NXN: variants seen among roughly 807,000 people sequenced by gnomAD.
The protein encoded by NXN is nucleoredoxin.
Under a neutral mutation model 48.6 loss-of-function variants are expected in NXN, and 16 were observed. That is an observed-to-expected ratio of 0.33 (90% confidence interval 0.22 to 0.50). NXN has a LOEUF of 0.50. Ranked by LOEUF, NXN falls within the 20% of genes least tolerant of loss-of-function variation. NXN has a pLI of 0.98. For synonymous variants in NXN, 281 were observed against 269.6 expected (o/e 1.04, Z -0.41); for missense variants, 492 against 605.5 (o/e 0.81, Z 1.97).
rs573538395 is a variant in NXN, at chr17:954,841, A to T, written c.360+24478T>A. On this transcript the variant is annotated intron_variant, in intron 1 of 7. Transcript: ENST00000336868. ...CTAGACTCCCAGATTGAAGCACCTG[A>T]CCTTCTGTAAATTCCTTTCTTTACA... Among the ~76,000 whole-genome samples the T allele has an allele frequency of 9.4e-3, 1,432 of 152,344 alleles. 20 individuals carry two copies. Among genetic ancestry groups the T allele is most frequent in the African/African-American group, 0.033 (1,380 of 41,582 alleles).
intron 1 of NXN, among the ~76,000 whole-genome samples, chr17:846,072 A>G (rs1003549462): frequency 6.6e-5 from 10 of 151,670 alleles, no homozygotes; most frequent in Non-Finnish European, 1.2e-4. Context: ...ACAGAGCGAG[A>G]CTGCATCTCA....
At chr17:850,161 G>A (rs539280744) in intron 1 of NXN, among the ~76,000 whole-genome samples, 20 of 152,246 alleles carry the variant, frequency 1.3e-4, no homozygotes, top group African/African-American at 3.6e-4. Context: ...TGCTTAGAAC[G>A]CCAGAAAAAG....
intron 1 of NXN, among the ~76,000 whole-genome samples, chr17:926,915 C>T (rs2068805863): frequency 6.6e-6 from 1 of 152,146 alleles, no homozygotes; most frequent in Non-Finnish European, 1.5e-5. Context: ...CACTTTTGCC[C>T]ATCTCCCATC....
chr17:863,299 C>G (rs2068060075), intron 1 of NXN, among the ~76,000 whole-genome samples: 1 of 152,182 alleles, frequency 6.6e-6, no homozygotes, highest in Non-Finnish European at 1.5e-5. Context: ...TCCTGAGTAG[C>G]TGGAACTACA....
chr17:802,149 T>C (rs1486281840), intron 7 of NXN, among the ~76,000 whole-genome samples: 4 of 149,678 alleles, frequency 2.7e-5, no homozygotes, highest in Non-Finnish European at 5.9e-5. Context: ...GGAGATAGAG[T>C]CTCTTTCTGT....
rs2068743059 is a variant in NXN at position 920,815 on chromosome 17, C to T, written c.360+58504G>A. On this transcript the variant is annotated intron_variant, in intron 1 of 7. Coordinates refer to ENST00000336868, the MANE Select transcript of NXN (RefSeq NM_022463.5). This position sits in a 1 kb window ranked among gnomAD's most constrained non-coding sequence, Gnocchi z 4.6. ...TCGGCTCGCTGCAACCTCTGCCTCCCGGGTTCAAGCGATTCTCTTGCCTCA... is the reference window on the plus strand; with the variant it reads ...TCGGCTCGCTGCAACCTCTGCCTCCTGGGTTCAAGCGATTCTCTTGCCTCA... 6.6e-6 allele frequency among the ~76,000 whole-genome samples: 1 copy of T among 151,406 alleles called. No individual in the cohort carries two copies. The highest frequency in any genetic ancestry group is 6.6e-5 in the Admixed American group (1 of 15,204).
At chr17:811,986 G>GGT (rs759046154) in intron 5 of NXN, among the ~76,000 whole-genome samples, 4,941 of 142,020 alleles carry the variant, frequency 0.035, 131 homozygotes, top group Middle Eastern at 0.071. Context: ...GGAGTGCAGT[G>GGT]GCAAGATCTC....
intron 1 of NXN, among the ~76,000 whole-genome samples, chr17:869,387 C>T (rs1179043950): frequency 6.6e-6 from 1 of 152,142 alleles, no homozygotes; most frequent in Non-Finnish European, 1.5e-5. Flanking sequence ...GACAAGCGAC[C>T]TGAGGTTCCA....
chr17:976,123 AC>A (rs1480181188), intron 1 of NXN, among the ~76,000 whole-genome samples: 1 of 152,160 alleles, frequency 6.6e-6, no homozygotes, highest in Non-Finnish European at 1.5e-5. Flanking sequence ...TTACTTTTGT[AC>A]CTACCATGAC....
At chr17:974,352 A>G (rs2069431524) in intron 1 of NXN, among the ~76,000 whole-genome samples, 1 of 151,932 alleles carries the variant, frequency 6.6e-6, no homozygotes, top group African/African-American at 2.4e-5. Flanking sequence ...CTCCATCTCA[A>G]AAAAGTATAT....
intron 1 of NXN, among the ~76,000 whole-genome samples, chr17:859,811 G>T (rs2068023815): frequency 6.6e-6 from 1 of 152,142 alleles, no homozygotes; most frequent in South Asian, 2.1e-4. Flanking sequence ...GTCCTCCACG[G>T]GGTACTCTGA....
At chr17:900,746 AAGT>A (rs2068529432) in intron 1 of NXN, among the ~76,000 whole-genome samples, 1 of 152,262 alleles carries the variant, frequency 6.6e-6, no homozygotes, top group East Asian at 1.9e-4. Context: ...GCCAAAAAAA[AAGT>A]ACCTTTTTTT....
chr17:835,348 C>T (rs1351522484), intron 1 of NXN, among the ~76,000 whole-genome samples: 3 of 150,096 alleles, frequency 2.0e-5, no homozygotes, highest in Non-Finnish European at 3.0e-5. Flanking sequence ...AAACCCCCAA[C>T]GCCTACAACT....
At chr17:925,035 G>T (rs757688581) in intron 1 of NXN, among the ~76,000 whole-genome samples, 1 of 152,230 alleles carries the variant, frequency 6.6e-6, no homozygotes. Flanking sequence ...AGCAGCCGGC[G>T]GATTCAGGTG....
intron 1 of NXN, among the ~76,000 whole-genome samples, 154 bp from the exon 2 acceptor site, chr17:826,232 G>C (rs1170246324): frequency 6.6e-6 from 1 of 152,088 alleles, no homozygotes; most frequent in East Asian, 1.9e-4. Flanking sequence ...GCTGGGCAAA[G>C]GGGCACGTTA....
Position 830,427 on chromosome 17 carries a change from G to T in NXN, c.361-4349C>A, listed in dbSNP as rs6598827. On this transcript the variant is annotated intron_variant, in intron 1 of 7. Transcript: ENST00000336868. The surrounding 1 kb of genome is among the most constrained non-coding windows in gnomAD (Gnocchi z 4.2). ...GCAACTGGGAAGCTGGGATGGCAGC[G>T]TGGATTCCAGAGACAGGCGTCCGGG... Among the ~76,000 whole-genome samples, 103,439 of 151,672 alleles carry T rather than the reference G, an allele frequency of 0.68. 36,186 individuals are homozygous for T. The highest frequency in any genetic ancestry group is 0.84 in the African/African-American group (34,570 of 41,376).
At position 958,061 on chromosome 17, in the gene NXN, C is replaced by T. The variant is rs763170669; in HGVS notation, c.360+21258G>A. Among the ~76,000 whole-genome samples, 23 of 152,160 alleles carry T rather than the reference C, an allele frequency of 1.5e-4. No homozygotes were observed. The highest frequency in any genetic ancestry group is 2.1e-4 in the Non-Finnish European group (14 of 68,034). On this transcript the variant is annotated intron_variant, in intron 1 of 7. Coordinates refer to ENST00000336868, the MANE Select transcript of NXN (RefSeq NM_022463.5). The surrounding 1 kb of genome is among the most constrained non-coding windows in gnomAD (Gnocchi z 6.9). ...CGCTCCATCCTATACTTAGGCGCCT[C>T]GGCAGGATCAAATGAACCCTCTCCG...
intron 5 of NXN, among the ~76,000 whole-genome samples, chr17:809,145 G>A (rs1911761815): frequency 6.6e-6 from 1 of 152,154 alleles, no homozygotes; most frequent in South Asian, 2.1e-4. Flanking sequence ...CGTGGTGAGG[G>A]TTCCGGCAAC....
rs1913032240 is a variant in NXN, at chr17:825,201, A to C, written c.478+760T>G. Among the ~76,000 whole-genome samples, 1 of 99,392 alleles carries C rather than the reference A, an allele frequency of 1.0e-5. No homozygotes were observed. The allele number at this position is 99,392 out of a possible 152,430, so 65.2% of individuals were successfully genotyped here. A position where few individuals can be genotyped will look rare whatever the true frequency, so the allele number is the denominator to read the frequency against. On this transcript the variant is annotated intron_variant, in intron 2 of 7. Coordinates refer to ENST00000336868, the MANE Select transcript of NXN (RefSeq NM_022463.5). The surrounding 1 kb of genome is among the most constrained non-coding windows in gnomAD (Gnocchi z 4.1). ...CCACAGCACTCGGCCTGGGCGACAG[A>C]GGGAGATAGTGTCTCAAGAGAAAAA...
Sources: gnomAD v4.1 joint callset for allele counts (sites outside exome capture counted in the v4.1 genomes callset) on GRCh38, gnomAD v4.1.1 for gene constraint, Gnocchi (gnomAD v3.1) non-coding constraint, MANE v1.5 for transcripts, NCBI Gene and HGNC (gene_info 2026-07-23, HGNC 2026-07-21) for gene names.